The following CHN2 variants were observed in gnomAD, a reference collection of about 807,000 sequenced individuals.
The protein encoded by CHN2 is chimerin 2, also known as beta-chimaerin.
In CHN2, 35 loss-of-function variants were observed where a neutral mutation model predicts 56.3. That is an observed-to-expected ratio of 0.62 (90% CI 0.47 to 0.82). The LOEUF (loss-of-function observed/expected upper bound fraction) is 0.82, where lower values mean the gene tolerates loss of function less well. Among genes scored for constraint, CHN2 ranks in the 40% least tolerant of loss-of-function variants. The pLI is 0.00. For synonymous variants in CHN2, 210 were observed against 212.8 expected (o/e 0.99, Z 0.12); for missense variants, 491 against 580.5 (o/e 0.85, Z 1.58).
chr7:29,166,906 A>G (rs1795995632), intron 2 of CHN2, among the ~76,000 whole-genome samples: 1 of 152,078 alleles, frequency 6.6e-6, no homozygotes, highest in Middle Eastern at 3.2e-3. Flanking sequence ...GTCCTTGACT[A>G]CTAGTTCTAC....
intron 6 of CHN2, among the ~76,000 whole-genome samples, chr7:29,464,187 C>T (rs2128140080): frequency 6.6e-6 from 1 of 152,262 alleles, no homozygotes; most frequent in Middle Eastern, 3.4e-3. Context: ...GTTTTGGGCA[C>T]TAGAAACTAT....
chr7:29,461,418 G>T (rs1251177305), intron 6 of CHN2, among the ~76,000 whole-genome samples: 2 of 152,212 alleles, frequency 1.3e-5, no homozygotes, highest in African/African-American at 4.8e-5. Context: ...GGTCCAAGTT[G>T]TTAGAGTAAT....
chr7:29,388,796 T>C (rs1046806299), intron 3 of CHN2, among the ~76,000 whole-genome samples: 1 of 152,200 alleles, frequency 6.6e-6, no homozygotes, highest in Non-Finnish European at 1.5e-5. Context: ...ATGAGACCAT[T>C]GGGCTGAAAA....
intron 1 of CHN2, among the ~76,000 whole-genome samples, chr7:29,272,700 A>T (rs7803511): frequency 0.086 from 13,033 of 152,270 alleles, 901 homozygotes; most frequent in African/African-American, 0.19. Context: ...CAGTCAATAT[A>T]TGCCGTATTA....
intron 6 of CHN2, among the ~76,000 whole-genome samples, chr7:29,456,463 C>A (rs1452888017): frequency 6.6e-6 from 1 of 152,174 alleles, no homozygotes; most frequent in Non-Finnish European, 1.5e-5. Context: ...AGAGCAAATT[C>A]TCTGGGAAAG....
intron 1 of CHN2, among the ~76,000 whole-genome samples, chr7:29,331,830 G>T (rs1270254433): frequency 1.3e-5 from 2 of 152,216 alleles, no homozygotes; most frequent in East Asian, 3.9e-4. Flanking sequence ...GGGAGGCCGA[G>T]GTGGGTGGAT....
At chr7:29,379,955 G>A (rs1051112324) in intron 3 of CHN2, among the ~76,000 whole-genome samples, 1 of 152,064 alleles carries the variant, frequency 6.6e-6, no homozygotes, top group African/African-American at 2.4e-5. Context: ...AAATGCTAAA[G>A]TAGGTAATTT....
chr7:29,304,664 G>A (rs1374706469), intron 1 of CHN2, among the ~76,000 whole-genome samples: 4 of 152,108 alleles, frequency 2.6e-5, no homozygotes, highest in African/African-American at 4.8e-5. Flanking sequence ...ATTTGCACAC[G>A]AACTGGTTTT....
intron 1 of CHN2, among the ~76,000 whole-genome samples, chr7:29,268,732 C>A (rs1217807773): frequency 6.6e-6 from 1 of 152,234 alleles, no homozygotes; most frequent in Non-Finnish European, 1.5e-5. Flanking sequence ...CGAGGCACAG[C>A]TCTCTCCCCA....
intron 2 of CHN2, among the ~76,000 whole-genome samples, chr7:29,365,999 G>A (rs1012507663): frequency 6.6e-6 from 1 of 152,178 alleles, no homozygotes; most frequent in Non-Finnish European, 1.5e-5. Context: ...CATCTGAGGT[G>A]TGATGAACAA....
chr7:29,390,053 CAAAAA>C (rs59954760), intron 3 of CHN2, among the ~76,000 whole-genome samples: 75 of 122,008 alleles, frequency 6.1e-4, no homozygotes, highest in African/African-American at 2.0e-3. Context: ...GACACTGTCT[CAAAAA>C]AAAAAAAAAA....
intron 1 of CHN2, among the ~76,000 whole-genome samples, chr7:29,249,853 A>C (rs1023398144): frequency 6.6e-5 from 10 of 152,290 alleles, no homozygotes; most frequent in African/African-American, 2.4e-4. Context: ...AATGGTAGCG[A>C]CATGAATACC....
In CHN2 at chr7:29,450,879, C is replaced by G. The variant is rs757746115; in HGVS notation, c.577-29400C>G. Among the ~76,000 whole-genome samples the G allele has an allele frequency of 7.7e-4, 117 of 151,826 alleles. 1 individual carries two copies. Among genetic ancestry groups the G allele is most frequent in the Admixed American group, 6.6e-4 (10 of 15,240 alleles). On this transcript the variant is annotated intron_variant, in intron 6 of 12. Coordinates refer to ENST00000222792, the MANE Select transcript of CHN2 (RefSeq NM_004067.4). ...CTCCGCCTCCCAGGTTCAAGCAATT[C>G]TCTGCCTCAGCCTCCCGAGTAGCTG...
intron 1 of CHN2, among the ~76,000 whole-genome samples, chr7:29,251,001 C>A (rs1252754935): frequency 6.6e-6 from 1 of 152,220 alleles, no homozygotes; most frequent in Non-Finnish European, 1.5e-5. Context: ...TGAGCCACTG[C>A]ACCCAGCTTG....
chr7:29,300,135 C>T (rs1191474508), intron 1 of CHN2, among the ~76,000 whole-genome samples: 2 of 152,254 alleles, frequency 1.3e-5, no homozygotes, highest in East Asian at 3.9e-4. Context: ...ATCTGTGAGG[C>T]AGGAAGCCAG....
intron 3 of CHN2, among the ~76,000 whole-genome samples, chr7:29,378,572 G>A (rs1443209687): frequency 1.3e-5 from 2 of 152,220 alleles, no homozygotes; most frequent in Non-Finnish European, 2.9e-5. Flanking sequence ...CTGAGTACTT[G>A]AGACAGAAAC....
At chr7:29,274,438 A>G (rs1211091381) in intron 1 of CHN2, among the ~76,000 whole-genome samples, 2 of 152,198 alleles carry the variant, frequency 1.3e-5, no homozygotes, top group Non-Finnish European at 2.9e-5. Context: ...CTGCTTCTTT[A>G]CTCACCAATA....
chr7:29,468,256 G>A (rs549177351), intron 6 of CHN2, among the ~76,000 whole-genome samples: 142 of 150,530 alleles, frequency 9.4e-4, no homozygotes, highest in African/African-American at 3.4e-3. Context: ...GTGACTTTCT[G>A]GGGGAAGCAG....
intron 6 of CHN2, among the ~76,000 whole-genome samples, chr7:29,417,955 C>T (rs1803942912): frequency 6.6e-6 from 1 of 152,152 alleles, no homozygotes; most frequent in Non-Finnish European, 1.5e-5. Flanking sequence ...CTAGGACAAG[C>T]ACATGTGAGG....
Sources: allele counts gnomAD v4.1 joint callset (sites outside exome capture counted in the v4.1 genomes callset), GRCh38; gene constraint gnomAD v4.1.1; transcripts MANE v1.5; gene names NCBI Gene and HGNC (gene_info 2026-07-23, HGNC 2026-07-21).